Variants in MAPK10 observed in about 807,000 individuals in gnomAD.
MAPK10 encodes JNK3 alpha protein kinase.
In MAPK10, 25 loss-of-function variants were observed where a neutral mutation model predicts 59.3. That is an observed-to-expected ratio of 0.42 (90% CI 0.31 to 0.59). The LOEUF (loss-of-function observed/expected upper bound fraction) is 0.59, where lower values mean the gene tolerates loss of function less well. MAPK10 is among the 20% of genes least tolerant of loss of function. MAPK10 has a pLI of 0.15. For synonymous variants in MAPK10, 190 were observed against 200.5 expected (o/e 0.95, Z 0.44); for missense variants, 351 against 568.9 (o/e 0.62, Z 3.90).
chr4:86,310,709 T>C (rs570013696), intron 2 of MAPK10, among the ~76,000 whole-genome samples: 8 of 152,160 alleles, frequency 5.3e-5, no homozygotes, highest in Non-Finnish European at 1.2e-4. Context: ...ATTTTTAATA[T>C]ATAGTTCACT....
At chr4:86,018,982 A>C (rs901419466) in intron 13 of MAPK10, among the ~76,000 whole-genome samples, 2 of 152,222 alleles carry the variant, frequency 1.3e-5, no homozygotes, top group African/African-American at 2.4e-5. Flanking sequence ...CTGTGAGAAA[A>C]GTGTGATGAA....
chr4:86,584,439 A>C (rs888898854), intron 1 of MAPK10, among the ~76,000 whole-genome samples: 2 of 152,072 alleles, frequency 1.3e-5, no homozygotes, highest in African/African-American at 4.8e-5. Flanking sequence ...AGTGGTAAGA[A>C]ATTTTGGGGA....
intron 1 of MAPK10, among the ~76,000 whole-genome samples, chr4:86,527,974 G>A (rs1757594663): frequency 1.3e-5 from 2 of 152,086 alleles, no homozygotes; most frequent in Admixed American, 6.5e-5. Flanking sequence ...CATAAAGATG[G>A]GAACAATAGA....
chr4:86,436,929 T>C (rs984397269), intron 1 of MAPK10, among the ~76,000 whole-genome samples: 1 of 152,056 alleles, frequency 6.6e-6, no homozygotes, highest in Non-Finnish European at 1.5e-5. Context: ...AAAATGATGT[T>C]TGGCCAGGCC....
chr4:86,372,538 A>AAGAG, intron 1 of MAPK10, among the ~76,000 whole-genome samples: 3 of 69,408 alleles, frequency 4.3e-5, no homozygotes, highest in Non-Finnish European at 8.2e-5. Context: ...GAAAGAAAGA[A>AAGAG]AGAAAGAAAG....
chr4:86,249,017 A>T (rs1020614584), intron 2 of MAPK10, among the ~76,000 whole-genome samples: 14 of 152,228 alleles, frequency 9.2e-5, no homozygotes, highest in African/African-American at 3.4e-4. Context: ...GAACTAATCT[A>T]AATCAGCAAA....
At chr4:86,472,853 T>C (rs949397123) in intron 1 of MAPK10, among the ~76,000 whole-genome samples, 1 of 152,208 alleles carries the variant, frequency 6.6e-6, no homozygotes, top group African/African-American at 2.4e-5. Flanking sequence ...CTCTACTTCA[T>C]CCTCTTCATT....
intron 1 of MAPK10, among the ~76,000 whole-genome samples, chr4:86,508,888 C>A (rs895576879): frequency 6.6e-6 from 1 of 152,162 alleles, no homozygotes; most frequent in Non-Finnish European, 1.5e-5. Context: ...TCTGGGACTC[C>A]AGCTGGCTAC....
At chr4:86,247,508 G>A (rs1460758) in intron 2 of MAPK10, among the ~76,000 whole-genome samples, 49,580 of 151,970 alleles carry the variant, frequency 0.33, 11,002 homozygotes, top group African/African-American at 0.63. Context: ...CTGAGGCATC[G>A]TTAGGCCATG....
chr4:86,034,498 TAATA>T (rs2148924545), intron 11 of MAPK10, among the ~76,000 whole-genome samples: 1 of 152,326 alleles, frequency 6.6e-6, no homozygotes, highest in South Asian at 2.1e-4. Context: ...CACTGTGAAT[TAATA>T]AATACTAGAA....
At chr4:86,124,431 A>G (rs1237596525) in intron 4 of MAPK10, 3 of 151,990 alleles carry the variant, frequency 2.0e-5, no homozygotes, top group Admixed American at 1.3e-4. Flanking sequence ...TTACTATTGA[A>G]AAATAACTTT....
At chr4:86,574,685 A>G (rs1024210922) in intron 1 of MAPK10, among the ~76,000 whole-genome samples, 1 of 152,210 alleles carries the variant, frequency 6.6e-6, no homozygotes, top group Non-Finnish European at 1.5e-5. Flanking sequence ...TAAGAAATAC[A>G]ACTTACTTTT....
chr4:86,178,627 C>A (rs1370848180), intron 3 of MAPK10, among the ~76,000 whole-genome samples: 2 of 152,086 alleles, frequency 1.3e-5, no homozygotes, highest in Non-Finnish European at 2.9e-5. Flanking sequence ...AGAAGTGGAA[C>A]AAGACAGCCC....
chr4:86,249,418 C>T (rs935957462), intron 2 of MAPK10, among the ~76,000 whole-genome samples: 1 of 152,140 alleles, frequency 6.6e-6, no homozygotes, highest in Non-Finnish European at 1.5e-5. Context: ...TAGGGGTGGA[C>T]CTGTGCCCAC....
intron 1 of MAPK10, among the ~76,000 whole-genome samples, chr4:86,516,832 T>C (rs900733224): frequency 1.3e-5 from 2 of 152,218 alleles, no homozygotes; most frequent in African/African-American, 2.4e-5. Context: ...TAGGGTTTTC[T>C]AGCTATGCAA....
intron 2 of MAPK10, among the ~76,000 whole-genome samples, chr4:86,242,784 G>A (rs1243266258): frequency 6.6e-6 from 1 of 152,174 alleles, no homozygotes; most frequent in Non-Finnish European, 1.5e-5. Context: ...AGGCAGTTTC[G>A]AGTCCCAGTG....
intron 12 of MAPK10, among the ~76,000 whole-genome samples, 183 bp from the exon 13 acceptor site, chr4:86,029,457 A>T (rs1752137883): frequency 6.6e-6 from 1 of 152,214 alleles, no homozygotes; most frequent in African/African-American, 2.4e-5. Flanking sequence ...AGCCTGGCAC[A>T]AATAGGTATC....
intron 1 of MAPK10, among the ~76,000 whole-genome samples, chr4:86,541,153 A>G (rs1405753522): frequency 6.6e-6 from 1 of 151,968 alleles, no homozygotes; most frequent in African/African-American, 2.4e-5. Flanking sequence ...GGCATGGGAG[A>G]GATCTGGGAA....
intron 13 of MAPK10, among the ~76,000 whole-genome samples, chr4:86,022,531 C>A (rs956830835): frequency 1.3e-4 from 20 of 151,734 alleles, no homozygotes; most frequent in Non-Finnish European, 4.4e-5. Flanking sequence ...TTTTTAAGGA[C>A]AGGGTCTCAG....
Sources: gnomAD v4.1 joint callset for allele counts (sites outside exome capture counted in the v4.1 genomes callset) on GRCh38, gnomAD v4.1.1 for gene constraint, MANE v1.5 for transcripts, NCBI Gene and HGNC (gene_info 2026-07-23, HGNC 2026-07-21) for gene names.